PAPSS2: variants seen among roughly 807,000 people sequenced by gnomAD.
PAPSS2 encodes bifunctional 3'-phosphoadenosine 5'-phosphosulfate synthase 2.
In PAPSS2, 61 loss-of-function variants were observed where a neutral mutation model predicts 66.5. The ratio of observed to expected loss-of-function variants is 0.92; its 90% CI spans 0.75 to 1.14. The LOEUF (loss-of-function observed/expected upper bound fraction) is 1.14. Among genes scored for constraint, PAPSS2 ranks in the 50% most tolerant of loss-of-function variants. PAPSS2 has a pLI of 0.00. For synonymous variants in PAPSS2, 289 were observed against 287.5 expected (o/e 1.01, Z -0.05); for missense variants, 708 against 789.6 (o/e 0.90, Z 1.24).
intron 1 of PAPSS2, among the ~76,000 whole-genome samples, chr10:87,694,499 T>C (rs939725233): frequency 1.3e-5 from 2 of 152,160 alleles, no homozygotes; most frequent in Non-Finnish European, 2.9e-5. Context: ...ATGTGGATAG[T>C]TGAGGGCATG....
chr10:87,719,682 A>G (rs1397319198), intron 7 of PAPSS2, among the ~76,000 whole-genome samples: 1 of 152,130 alleles, frequency 6.6e-6, no homozygotes, highest in Non-Finnish European at 1.5e-5. Flanking sequence ...TAGCACAGAT[A>G]CGATGTTCGT....
At chr10:87,660,482 CA>C (rs1852736705) in intron 1 of PAPSS2, 1 of 194,948 alleles carries the variant, frequency 5.1e-6, no homozygotes, top group Non-Finnish European at 1.1e-5. Flanking sequence ...GAGGAAACTG[CA>C]ATTATCAAAG....
In PAPSS2 at chr10:87,746,270, C is replaced by A. The variant is rs1183370195; in HGVS notation, c.*300C>A. On this transcript the variant is annotated 3_prime_UTR_variant, in exon 13 of 13. Transcript: ENST00000456849. ...CAGGCAGGTCCCAGATTTCTTAAGG[C>A]TTTGTTTGACCATGTGTCTAGTTAC... The A allele has an allele frequency of 4.8e-6, 1 of 209,720 alleles. No homozygotes were observed. The highest frequency in any genetic ancestry group is 1.3e-4 in the East Asian group (1 of 7,648). 13.0% of individuals were successfully genotyped at this position (209,720 alleles called of 1,614,324 possible).
At chr10:87,709,389 G>T (rs1853438162) in intron 2 of PAPSS2, 76 bp downstream of exon 2, 1 of 882,898 alleles carries the variant, frequency 1.1e-6, no homozygotes, top group Non-Finnish European at 1.9e-6. Flanking sequence ...GGAAATTAGT[G>T]TAACGTATTA....
At chr10:87,725,882 T>TTTACACAC (rs1554866894) in intron 8 of PAPSS2, among the ~76,000 whole-genome samples, 13 of 58,442 alleles carry the variant, frequency 2.2e-4, no homozygotes, top group Non-Finnish European at 3.6e-4. Context: ...AATATGTGTG[T>TTTACACAC]ATACACACAC....
chr10:87,668,658 ATGTGTGTG>A lies in PAPSS2; in HGVS notation c.27+8676_27+8683del, dbSNP rs58768390. Among the ~76,000 whole-genome samples, 874 of 149,250 alleles carry A rather than the reference ATGTGTGTG, an allele frequency of 5.9e-3. 8 individuals carry two copies. Among genetic ancestry groups the A allele is most frequent in the African/African-American group, 0.02 (793 of 40,584 alleles). ...TATTAAGGCTGTCTCTACTTTAAAA[ATGTGTGTG>A]TGTGTGTGTGTGTGTGTGTGTGTGT... On this transcript the variant is annotated intron_variant, in intron 1 of 12. Coordinates refer to ENST00000456849, the MANE Select transcript of PAPSS2 (RefSeq NM_001015880.2).
intron 8 of PAPSS2, among the ~76,000 whole-genome samples, chr10:87,725,464 A>T (rs1452346126): frequency 6.6e-6 from 1 of 152,200 alleles, no homozygotes; most frequent in East Asian, 1.9e-4. Context: ...GAGAAAGTAC[A>T]TGTGCGTTAA....
At chr10:87,691,978 C>G (rs923735207) in intron 1 of PAPSS2, among the ~76,000 whole-genome samples, 1 of 152,136 alleles carries the variant, frequency 6.6e-6, no homozygotes, top group Non-Finnish European at 1.5e-5. Flanking sequence ...TTTTACTCTA[C>G]TGGCAAAGAA....
chr10:87,700,388 G>C (rs1853287838), intron 1 of PAPSS2, among the ~76,000 whole-genome samples: 1 of 152,160 alleles, frequency 6.6e-6, no homozygotes, highest in Non-Finnish European at 1.5e-5. Context: ...TGGGTGTAGT[G>C]GTTCATGCCT....
chr10:87,704,983 T>A (rs1286371675), intron 1 of PAPSS2, among the ~76,000 whole-genome samples: 1 of 152,218 alleles, frequency 6.6e-6, no homozygotes, highest in Non-Finnish European at 1.5e-5. Flanking sequence ...TTTGTGTGCG[T>A]GTACATGGTA....
At chr10:87,741,169 G>A in intron 9 of PAPSS2, 66 bp from the exon 10 acceptor site, 1 of 1,542,950 alleles carries the variant, frequency 6.5e-7, no homozygotes, top group South Asian at 1.1e-5. Flanking sequence ...TCTAAAAGGA[G>A]AAAACTTTTC....
At chr10:87,713,943 T>G (rs1853500160) in intron 3 of PAPSS2, 101 bp from the exon 4 acceptor site, 5 of 1,219,536 alleles carry the variant, frequency 4.1e-6, no homozygotes, top group Non-Finnish European at 4.8e-6. Flanking sequence ...CAAACCCCAG[T>G]GTTATCTCAA....
At chr10:87,661,509 G>A (rs7904314) in intron 1 of PAPSS2, among the ~76,000 whole-genome samples, 92,765 of 152,060 alleles carry the variant, frequency 0.61, 28,871 homozygotes, top group African/African-American at 0.74. Context: ...TTTTATATCA[G>A]TGGGGTTTTA....
At chr10:87,738,417 ATGTGTGTG>A (rs58521119) in intron 9 of PAPSS2, among the ~76,000 whole-genome samples, 4 of 94,032 alleles carry the variant, frequency 4.3e-5, no homozygotes, top group African/African-American at 1.3e-4. Context: ...GTGTGTGTGT[ATGTGTGTG>A]TGTGTGTGTG....
At chr10:87,695,475 AG>A (rs1853220746) in intron 1 of PAPSS2, among the ~76,000 whole-genome samples, 1 of 152,212 alleles carries the variant, frequency 6.6e-6, no homozygotes, top group Non-Finnish European at 1.5e-5. Flanking sequence ...GCAAAAGGCA[AG>A]GGGAGGACCC....
intron 1 of PAPSS2, among the ~76,000 whole-genome samples, chr10:87,705,072 T>C (rs1240188249): frequency 6.6e-6 from 1 of 152,224 alleles, no homozygotes; most frequent in East Asian, 1.9e-4. Flanking sequence ...CTCAAACCCT[T>C]ATCAAGACAT....
intron 8 of PAPSS2, among the ~76,000 whole-genome samples, chr10:87,723,952 C>G (rs1853627305): frequency 6.6e-6 from 1 of 152,098 alleles, no homozygotes; most frequent in Non-Finnish European, 1.5e-5. Flanking sequence ...TTTCTTTATT[C>G]ACCTTCCTTT....
rs1286409614 is a variant in PAPSS2 at position 87,745,052 on chromosome 10, T to C, written c.1542T>C (p.Ile514=). ...TGATTGCGGGTGCCAATTTCTACAT[T>C]GTGGGGAGGGACCCTGCAGGAATGC... ...SRMIAGANFY[I]VGRDPAGMPH... Residue 514 remains isoleucine (I), a synonymous_variant, in exon 12 of 13, where the codon ATT becomes ATC. Coordinates refer to ENST00000456849, the MANE Select transcript of PAPSS2 (RefSeq NM_001015880.2). 4 of 1,614,150 alleles carry C rather than the reference T, an allele frequency of 2.5e-6. No homozygotes were observed. The highest frequency in any genetic ancestry group is 1.7e-5 in the Admixed American group (1 of 60,020).
chr10:87,724,366 G>A (rs900951465), intron 8 of PAPSS2, among the ~76,000 whole-genome samples: 3 of 151,626 alleles, frequency 2.0e-5, no homozygotes, highest in African/African-American at 7.3e-5. Flanking sequence ...ATTAAACTGG[G>A]CACTAATGTA....
Sources: allele counts gnomAD v4.1 joint callset (sites outside exome capture counted in the v4.1 genomes callset), GRCh38; gene constraint gnomAD v4.1.1; transcripts MANE v1.5; gene names NCBI Gene and HGNC (gene_info 2026-07-23, HGNC 2026-07-21).